The following MPRIP variants were observed in gnomAD, a reference collection of about 807,000 sequenced individuals.
The protein encoded by MPRIP is myosin phosphatase Rho interacting protein, also known as myosin phosphatase Rho-interacting protein.
A neutral mutation model predicts 234.9 loss-of-function variants in MPRIP; 59 were observed. That is an observed-to-expected ratio of 0.25 (90% CI 0.20 to 0.31). The LOEUF is 0.31. Among genes scored for constraint, MPRIP ranks in the 10% least tolerant of loss-of-function variants. The probability of loss-of-function intolerance (pLI) is 1.00; values close to 1 mark genes in which losing one functional copy is unlikely to be tolerated. For synonymous variants in MPRIP, 1,144 were observed against 1,263.9 expected (o/e 0.91, Z 2.01); for missense variants, 2,436 against 3,071.0 (o/e 0.79, Z 4.89).
chr17:17,147,273 G>C, intron 10 of MPRIP, 46 bp from the exon 11 acceptor site: 2 of 1,579,734 alleles, frequency 1.3e-6, no homozygotes, highest in Non-Finnish European at 1.7e-6. Flanking sequence ...CAGGCATGCT[G>C]TATAGGAGTT....
At chr17:17,173,855 C>A (rs771798344) in intron 18 of MPRIP, 61 bp from the exon 19 acceptor site, 2 of 1,594,954 alleles carry the variant, frequency 1.3e-6, no homozygotes, top group Admixed American at 3.3e-5. Context: ...AGGAGGGACA[C>A]CGGCCTCTGA....
At chr17:17,050,096 G>GGC (rs1050546006) in intron 1 of MPRIP, among the ~76,000 whole-genome samples, 15 of 152,304 alleles carry the variant, frequency 9.8e-5, no homozygotes, top group Admixed American at 8.5e-4. Flanking sequence ...GGGAGGCCGA[G>GGC]GCGGGTGGAT....
chr17:17,184,761 C>T (rs371623355), intron 23 of MPRIP, 62 bp from the exon 24 acceptor site: 32 of 1,346,480 alleles, frequency 2.4e-5, no homozygotes, highest in Admixed American at 6.8e-5. Flanking sequence ...TGGTCCGGTC[C>T]GGTCCAGTGC....
chr17:17,099,355 C>A (rs2089913074), intron 3 of MPRIP, among the ~76,000 whole-genome samples: 2 of 152,148 alleles, frequency 1.3e-5, no homozygotes, highest in South Asian at 4.1e-4. Flanking sequence ...TTTGTGAAAA[C>A]CCATGAGGAA....
chr17:17,121,834 C>T (rs1332713529), intron 3 of MPRIP, among the ~76,000 whole-genome samples: 4 of 152,080 alleles, frequency 2.6e-5, no homozygotes, highest in Admixed American at 6.6e-5. Context: ...TCTGAAAGGC[C>T]CCAGTGTGTG....
chr17:17,128,031 A>G (rs892091927), intron 4 of MPRIP, among the ~76,000 whole-genome samples: 19 of 152,292 alleles, frequency 1.2e-4, no homozygotes, highest in African/African-American at 4.6e-4. Context: ...CACAATCTTA[A>G]TCCAGAACCA....
intron 3 of MPRIP, among the ~76,000 whole-genome samples, chr17:17,110,099 G>A (rs1370375729): frequency 6.6e-6 from 1 of 152,058 alleles, no homozygotes; most frequent in Non-Finnish European, 1.5e-5. Context: ...CAGCAAGTGG[G>A]TTCTTGCTCT....
chr17:17,184,746 C>T (rs1372599692), intron 23 of MPRIP, 77 bp from the exon 24 acceptor site: 3 of 1,117,986 alleles, frequency 2.7e-6, no homozygotes, highest in East Asian at 2.5e-5. Context: ...ACCAGCGGTC[C>T]GGTCTGGTCC....
chr17:17,052,166 T>A (rs1374226036), intron 1 of MPRIP, among the ~76,000 whole-genome samples: 2 of 152,122 alleles, frequency 1.3e-5, no homozygotes, highest in Non-Finnish European at 2.9e-5. Flanking sequence ...TGATACAGAT[T>A]TCAGCTCCAT....
At chr17:17,112,652 C>T (rs553512643) in intron 3 of MPRIP, among the ~76,000 whole-genome samples, 77 of 152,208 alleles carry the variant, frequency 5.1e-4, no homozygotes, top group Non-Finnish European at 7.2e-4. Flanking sequence ...TACTCCCAGC[C>T]TCCTCCCCTC....
In MPRIP at chr17:17,190,066, G is replaced by A. The variant is rs1452060343; in HGVS notation, c.*5172G>A. On this transcript the variant is annotated 3_prime_UTR_variant, in exon 24 of 24. Transcript: ENST00000651222. ...TAGAGAGGTTCCTAGCCCGCTCAGCGCGAGCGTCTCCAGTAGGTAATAGCA... is the reference window on the plus strand; with the variant it reads ...TAGAGAGGTTCCTAGCCCGCTCAGCACGAGCGTCTCCAGTAGGTAATAGCA... 2 of 152,216 alleles carry A rather than the reference G, an allele frequency of 1.3e-5. No individual in the cohort carries two copies. Among genetic ancestry groups the A allele is most frequent in the South Asian group, 2.1e-4 (1 of 4,830 alleles). 9.4% of individuals were successfully genotyped at this position (152,216 alleles called of 1,614,324 possible).
In MPRIP at chr17:17,131,821, ACT is replaced by A. The variant is rs373734176; in HGVS notation, c.504+123_504+124del. 5.9e-4 allele frequency: 486 copies of A among 826,484 alleles called. 4 individuals carry two copies. The highest frequency in any genetic ancestry group is 3.2e-3 in the Middle Eastern group (11 of 3,488). The allele number at this position is 826,484 out of a possible 1,614,324, so 51.2% of individuals were successfully genotyped here. On this transcript the variant is annotated intron_variant, in intron 5 of 23. Coordinates refer to ENST00000651222, the MANE Select transcript of MPRIP (RefSeq NM_001364716.4). ...CAGGCCAGGGCTGAGGCAGTCACCA[ACT>A]CTGCACATCCTTGCTTTGGGCTGCA...
intron 1 of MPRIP, among the ~76,000 whole-genome samples, chr17:17,054,750 T>C (rs2088642566): frequency 6.6e-6 from 1 of 152,042 alleles, no homozygotes; most frequent in Non-Finnish European, 1.5e-5. Flanking sequence ...AGGACTGAAC[T>C]GATTTTAAGA....
intron 3 of MPRIP, among the ~76,000 whole-genome samples, chr17:17,106,934 C>T (rs1234673479): frequency 6.6e-6 from 1 of 152,174 alleles, no homozygotes; most frequent in Non-Finnish European, 1.5e-5. Context: ...CGACTTCTTT[C>T]CCAGATGCTG....
intron 3 of MPRIP, among the ~76,000 whole-genome samples, chr17:17,118,600 G>A (rs1442414761): frequency 2.6e-5 from 4 of 152,210 alleles, no homozygotes; most frequent in Non-Finnish European, 5.9e-5. Flanking sequence ...GGACTGTGGA[G>A]TACACCAGGA....
intron 15 of MPRIP, among the ~76,000 whole-genome samples, chr17:17,162,975 G>A (rs1293114714): frequency 2.0e-5 from 3 of 152,220 alleles, no homozygotes; most frequent in Non-Finnish European, 2.9e-5. Flanking sequence ...AATTGCATGA[G>A]CCTACACTGA....
rs1167655474 is a variant in MPRIP at position 17,192,440 on chromosome 17, GGGA to G, written c.*7549_*7551del. 2.6e-4 allele frequency: 29 copies of G among 113,700 alleles called. No individual in the cohort carries two copies. The highest frequency in any genetic ancestry group is 8.2e-4 in the African/African-American group (25 of 30,624). The allele number at this position is 113,700 out of a possible 1,614,324, so 7.0% of individuals were successfully genotyped here. On this transcript the variant is annotated 3_prime_UTR_variant, in exon 24 of 24. Transcript: ENST00000651222. ...CTGCTTTTTTTTTGGGGGGGGGGGG[GGGA>G]GGGGCGTCTTGAGGCTTTTTTTTTT...
chr17:17,172,838 C>T, intron 18 of MPRIP, 23 bp downstream of exon 18: 1 of 1,599,262 alleles, frequency 6.3e-7, no homozygotes. Flanking sequence ...GCCTGCCCAT[C>T]TGCCCTTGGG....
intron 3 of MPRIP, among the ~76,000 whole-genome samples, chr17:17,089,716 G>A (rs2144132781): frequency 6.6e-6 from 1 of 152,144 alleles, no homozygotes. Flanking sequence ...AGGAAGATGG[G>A]GCCACCAGAG....
Sources: gnomAD v4.1 joint callset for allele counts (sites outside exome capture counted in the v4.1 genomes callset) on GRCh38, gnomAD v4.1.1 for gene constraint, MANE v1.5 for transcripts, NCBI Gene and HGNC (gene_info 2026-07-23, HGNC 2026-07-21) for gene names.